The following CCBE1 variants were observed in gnomAD, a reference collection of about 807,000 sequenced individuals.
CCBE1 encodes the protein collagen and calcium-binding EGF domain-containing protein 1.
A neutral mutation model predicts 50.0 loss-of-function variants in CCBE1; 37 were observed. The observed-to-expected ratio is 0.74, with a 90% CI of 0.57 to 0.97. The LOEUF is 0.97. CCBE1 is among the 50% of genes least tolerant of loss of function. The pLI, the probability that CCBE1 is intolerant of heterozygous loss-of-function variation, is 0.00. For synonymous variants in CCBE1, 234 were observed against 203.7 expected (o/e 1.15, Z -1.27); for missense variants, 538 against 523.8 (o/e 1.03, Z -0.26).
At chr18:59,669,797 T>C (rs201807725) in intron 2 of CCBE1, among the ~76,000 whole-genome samples, 1 of 152,204 alleles carries the variant, frequency 6.6e-6, no homozygotes, top group East Asian at 1.9e-4. Context: ...GGCCCACCTT[T>C]CAGCTGCAGG....
intron 2 of CCBE1, among the ~76,000 whole-genome samples, chr18:59,600,623 C>T (rs891356524): frequency 1.3e-5 from 2 of 152,084 alleles, no homozygotes; most frequent in African/African-American, 2.4e-5. Context: ...TTACAATTCA[C>T]CCGGGTTAGC....
chr18:59,640,654 G>GA (rs955345057), intron 2 of CCBE1, among the ~76,000 whole-genome samples: 10 of 151,934 alleles, frequency 6.6e-5, no homozygotes, highest in Non-Finnish European at 1.2e-4. Context: ...CTATTAGGGA[G>GA]AAAAAACAAC....
intron 2 of CCBE1, among the ~76,000 whole-genome samples, chr18:59,605,773 A>G (rs760150105): frequency 9.8e-5 from 15 of 152,288 alleles, no homozygotes; most frequent in Middle Eastern, 3.4e-3. Flanking sequence ...AGACTGAAAC[A>G]TAAGAAGTAC....
intron 2 of CCBE1, among the ~76,000 whole-genome samples, chr18:59,636,009 A>C (rs1473103673): frequency 6.6e-6 from 1 of 151,982 alleles, no homozygotes; most frequent in East Asian, 1.9e-4. Context: ...ACAACAACAA[A>C]AAATTAGCTG....
intron 2 of CCBE1, among the ~76,000 whole-genome samples, chr18:59,621,361 T>G (rs1158730451): frequency 1.3e-5 from 2 of 152,204 alleles, no homozygotes; most frequent in African/African-American, 4.8e-5. Context: ...ACACTCATCT[T>G]TCTAGGTGTC....
chr18:59,446,747 T>C (rs1266175149), intron 7 of CCBE1, among the ~76,000 whole-genome samples: 1 of 152,206 alleles, frequency 6.6e-6, no homozygotes, highest in Non-Finnish European at 1.5e-5. Context: ...CAGACTACAG[T>C]GCTCGCTCCC....
intron 2 of CCBE1, among the ~76,000 whole-genome samples, chr18:59,597,861 CTG>C (rs766944052): frequency 5.9e-5 from 9 of 152,146 alleles, no homozygotes; most frequent in Admixed American, 4.6e-4. Flanking sequence ...GTCAGGATAA[CTG>C]AGAGTTTCCA....
At chr18:59,578,977 GA>G (rs1010444568) in intron 2 of CCBE1, among the ~76,000 whole-genome samples, 3 of 151,756 alleles carry the variant, frequency 2.0e-5, no homozygotes, top group South Asian at 2.1e-4. Flanking sequence ...CTTTTTATCA[GA>G]AAAAAAATGT....
rs1274362713 is a variant in CCBE1 at position 59,662,458 on chromosome 18, A to G, written c.212+34171T>C. ...CCAGTTACACTTTGTCATTTCCTAA[A>G]TATTTTTTCCCACCTCAATGCCAGC... On this transcript the variant is annotated intron_variant, in intron 2 of 10. Coordinates refer to ENST00000439986, the MANE Select transcript of CCBE1 (RefSeq NM_133459.4). Among the ~76,000 whole-genome samples, 3 of 152,206 alleles carry G rather than the reference A, an allele frequency of 2.0e-5. No homozygotes were observed. In the East Asian group the frequency reaches 5.8e-4, roughly 29 times the overall value.
chr18:59,480,706 A>G (rs2143772537), intron 2 of CCBE1, among the ~76,000 whole-genome samples: 1 of 152,270 alleles, frequency 6.6e-6, no homozygotes, highest in South Asian at 2.1e-4. Flanking sequence ...GTAGTCAACT[A>G]TTAAGACCAA....
chr18:59,505,401 T>C (rs1056910421), intron 2 of CCBE1, among the ~76,000 whole-genome samples: 6 of 152,208 alleles, frequency 3.9e-5, no homozygotes, highest in African/African-American at 1.4e-4. Flanking sequence ...GTGATTGCAA[T>C]TGTATACACA....
At chr18:59,594,006 AC>A (rs2053313985) in intron 2 of CCBE1, among the ~76,000 whole-genome samples, 1 of 152,208 alleles carries the variant, frequency 6.6e-6, no homozygotes, top group Non-Finnish European at 1.5e-5. Flanking sequence ...GCAAAACTGC[AC>A]AGTCTCCCTC....
chr18:59,660,033 G>A (rs2054261012), intron 2 of CCBE1, among the ~76,000 whole-genome samples: 1 of 152,198 alleles, frequency 6.6e-6, no homozygotes, highest in East Asian at 1.9e-4. Context: ...CTCATGTGTA[G>A]TTCTCCAGAC....
At chr18:59,640,969 A>G (rs143606453) in intron 2 of CCBE1, among the ~76,000 whole-genome samples, 3 of 152,304 alleles carry the variant, frequency 2.0e-5, no homozygotes, top group East Asian at 3.9e-4. Flanking sequence ...GGCTATCATT[A>G]AAAAATAACT....
rs55881131 is a variant in CCBE1 at position 59,508,711 on chromosome 18, C to CTT, written c.213-28475_213-28474dup. ...AGCACAGTACACACATAGAGTTACG[C>CTT]TTTTTTTTTTTTTTTTTTTTTTGAG... On this transcript the variant is annotated intron_variant, in intron 2 of 10. Transcript: ENST00000439986. Among the ~76,000 whole-genome samples the CTT allele has an allele frequency of 6.2e-3, 591 of 95,648 alleles. 34 individuals are homozygous for CTT. Among genetic ancestry groups the CTT allele is most frequent in the African/African-American group, 0.013 (280 of 22,060 alleles). The allele number at this position is 95,648 out of a possible 152,430, so 62.7% of individuals were successfully genotyped here. A position where few individuals can be genotyped will look rare whatever the true frequency, so the allele number is the denominator to read the frequency against.
chr18:59,510,086 C>T (rs1031048467), intron 2 of CCBE1, among the ~76,000 whole-genome samples: 10 of 152,142 alleles, frequency 6.6e-5, no homozygotes, highest in African/African-American at 9.7e-5. Context: ...ATCCAAATAC[C>T]GCCAACACTG....
chr18:59,454,819 G>C, intron 6 of CCBE1, 32 bp downstream of exon 6: 1 of 1,565,394 alleles, frequency 6.4e-7, no homozygotes, highest in Non-Finnish European at 8.8e-7. Context: ...CCTTCCATCA[G>C]GCATCATCGT....
intron 2 of CCBE1, among the ~76,000 whole-genome samples, chr18:59,567,856 C>G (rs1213429445): frequency 6.6e-6 from 1 of 152,234 alleles, no homozygotes; most frequent in Non-Finnish European, 1.5e-5. Flanking sequence ...ACAACTCCTT[C>G]CAGGTTTTAT....
intron 2 of CCBE1, among the ~76,000 whole-genome samples, chr18:59,514,040 G>A (rs148130369): frequency 8.5e-4 from 130 of 152,246 alleles, no homozygotes; most frequent in African/African-American, 2.7e-3. Context: ...GCATGGGGCC[G>A]TGGCTTTACT....
Sources: allele counts gnomAD v4.1 joint callset (sites outside exome capture counted in the v4.1 genomes callset), GRCh38; gene constraint gnomAD v4.1.1; transcripts MANE v1.5; gene names NCBI Gene and HGNC (gene_info 2026-07-23, HGNC 2026-07-21).